The following TUBGCP3 variants were observed in gnomAD, a reference collection of about 807,000 sequenced individuals.
TUBGCP3 encodes tubulin gamma complex component 3.
In TUBGCP3, 50 loss-of-function variants were observed where a neutral mutation model predicts 123.1. The ratio of observed to expected loss-of-function variants is 0.41; its 90% CI spans 0.32 to 0.51. TUBGCP3 has a LOEUF of 0.51. Among genes scored for constraint, TUBGCP3 ranks in the 20% least tolerant of loss-of-function variants. The pLI is 0.36. For synonymous variants in TUBGCP3, 405 were observed against 413.9 expected, an observed-to-expected ratio of 0.98 and a Z score of 0.26; for missense variants, 882 against 1,127.0, an observed-to-expected ratio of 0.78 and a Z score of 3.11.
rs1374063474 is a variant in TUBGCP3, at chr13:112,509,446, T to A, written c.2087-4732A>T. The stretch of plus-strand genomic sequence containing the variant: ...CGTCAGAGCAGGCAGTCTGCATTCC[T>A]CCAGATCTTGAGTACTCAAACTCAC... On this transcript the variant is annotated intron_variant, in intron 17 of 21. Transcript: ENST00000261965. Among the ~76,000 whole-genome samples the A allele has an allele frequency of 3.3e-5, 5 of 152,202 alleles. No homozygotes were observed. In the East Asian group the frequency reaches 9.6e-4, roughly 29 times the overall value.
rs1460207101 is a variant in TUBGCP3 at position 112,519,484 on chromosome 13, G to A, written c.1881+402C>T. 6.6e-6 allele frequency among the ~76,000 whole-genome samples: 1 copy of A among 152,140 alleles called. No individual in the cohort carries two copies. The highest frequency in any genetic ancestry group is 1.5e-5 in the Non-Finnish European group (1 of 68,038). ...AAGAAAAGTCATGTCCTACCAAACTGCAACTAAAAGCATCCATTTTCTGAT... is the reference window on the plus strand; with the variant it reads ...AAGAAAAGTCATGTCCTACCAAACTACAACTAAAAGCATCCATTTTCTGAT... On this transcript the variant is annotated intron_variant, in intron 15 of 21. Coordinates refer to ENST00000261965, the MANE Select transcript of TUBGCP3 (RefSeq NM_006322.6). This position sits in a 1 kb window ranked among gnomAD's most constrained non-coding sequence, Gnocchi z 6.2.
the TUBGCP3 span, among the ~76,000 whole-genome samples, chr13:112,600,434 A>T: frequency 6.6e-6 from 1 of 152,174 alleles, no homozygotes; most frequent in Non-Finnish European, 1.5e-5. Context: ...TTCTTTTATG[A>T]GATCAGAATG....
At chr13:112,503,280 G>C (rs1253121543) in intron 19 of TUBGCP3, among the ~76,000 whole-genome samples, 2 of 152,246 alleles carry the variant, frequency 1.3e-5, no homozygotes, top group Non-Finnish European at 2.9e-5. Flanking sequence ...TTGCCACATG[G>C]AACGTGCAAC....
At chr13:112,513,970 G>A (rs1482382850) in intron 17 of TUBGCP3, among the ~76,000 whole-genome samples, 1 of 152,186 alleles carries the variant, frequency 6.6e-6, no homozygotes, top group Non-Finnish European at 1.5e-5. Context: ...TAGCCAGGAA[G>A]TTAATCAACC....
chr13:112,491,256 T>G (rs1233387802), intron 20 of TUBGCP3, among the ~76,000 whole-genome samples: 1 of 152,270 alleles, frequency 6.6e-6, no homozygotes, highest in African/African-American at 2.4e-5. Flanking sequence ...TTCTCTCCAA[T>G]TTATTAATAT....
chr13:112,564,806 A>G (rs989192464), intron 3 of TUBGCP3, among the ~76,000 whole-genome samples: 8 of 152,392 alleles, frequency 5.2e-5, no homozygotes, highest in African/African-American at 1.9e-4. Flanking sequence ...TTATATGAAG[A>G]TAAGACTTCT....
intron 21 of TUBGCP3, among the ~76,000 whole-genome samples, chr13:112,486,958 C>A (rs1028299201): frequency 6.6e-6 from 1 of 152,186 alleles, no homozygotes; most frequent in African/African-American, 2.4e-5. Context: ...AGCTTCTGGT[C>A]AGAAACACGA....
At chr13:112,532,942 AATG>A (rs761715808) in intron 11 of TUBGCP3, among the ~76,000 whole-genome samples, 6 of 152,368 alleles carry the variant, frequency 3.9e-5, no homozygotes, top group Non-Finnish European at 8.8e-5. Flanking sequence ...GGCAGCTTTC[AATG>A]ATACCACAGC....
chr13:112,527,012 T>A lies in TUBGCP3; in HGVS notation c.1485A>T (p.Gln495His). 2 of 1,614,194 alleles carry A rather than the reference T, an allele frequency of 1.2e-6. No homozygotes were observed. The highest frequency in any genetic ancestry group is 4.5e-5 in the East Asian group (2 of 44,888). ...LIGKSINFLH[Q>H]VCHDQTPTTK... ...TAGTGGGAGTCTGATCATGACAAAC[T>A]TGGTGCAAGAAATTTATTGATTTTC... The change falls in exon 13 of 22, where the codon CAA becomes CAT. Residue 495 changes from glutamine (Q) to histidine (H), a missense_variant. Around this residue, in one of 3 missense-constraint regions of TUBGCP3, gnomAD observed 713 missense variants for 874.0 expected, o/e 0.82. Transcript: ENST00000261965.
chr13:112,602,503 G>A, the TUBGCP3 span, among the ~76,000 whole-genome samples: 1 of 152,106 alleles, frequency 6.6e-6, no homozygotes, highest in Non-Finnish European at 1.5e-5. Context: ...ACTGAGCATT[G>A]TACTCCATGA....
intron 1 of TUBGCP3, among the ~76,000 whole-genome samples, chr13:112,577,311 CT>C: frequency 6.6e-6 from 1 of 152,278 alleles, no homozygotes; most frequent in African/African-American, 2.4e-5. Context: ...ATGAATCACC[CT>C]GGTGGCAGGT....
At chr13:112,497,052 G>C (rs1480239848) in intron 20 of TUBGCP3, among the ~76,000 whole-genome samples, 1 of 152,030 alleles carries the variant, frequency 6.6e-6, no homozygotes, top group Non-Finnish European at 1.5e-5. Flanking sequence ...TTCTCTAGAA[G>C]GGAAGCTTCT....
At chr13:112,502,552 T>C (rs1174191909) in intron 19 of TUBGCP3, among the ~76,000 whole-genome samples, 1 of 148,754 alleles carries the variant, frequency 6.7e-6, no homozygotes, top group African/African-American at 2.5e-5. Context: ...CTTTTTTTTT[T>C]TTTTTTTTTT....
At chr13:112,588,605 TC>T (rs566580378), upstream of TUBGCP3, among the ~76,000 whole-genome samples, 69 of 151,668 alleles carry the variant, frequency 4.5e-4, 1 homozygote, top group South Asian at 0.014. Context: ...CGCGGGCCGG[TC>T]CCCCCCGGCC....
At chr13:112,580,152 C>T (rs767772413) in intron 1 of TUBGCP3, among the ~76,000 whole-genome samples, 3 of 152,048 alleles carry the variant, frequency 2.0e-5, no homozygotes, top group Non-Finnish European at 4.4e-5. Flanking sequence ...AGGATGGTGG[C>T]GGCCAGCACA....
chr13:112,520,300 G>A (rs1876509933), intron 14 of TUBGCP3, among the ~76,000 whole-genome samples: 1 of 152,130 alleles, frequency 6.6e-6, no homozygotes, highest in African/African-American at 2.4e-5. Context: ...AGGCCAAGGT[G>A]GGAGGATCAC....
In TUBGCP3 at chr13:112,508,750, C is replaced by G. The variant is rs557569626; in HGVS notation, c.2087-4036G>C. The stretch of plus-strand genomic sequence containing the variant: ...AAAGAAGCTCTTCCTCCAGTGCTCC[C>G]TGGGTGGTAAAAGATGCCACCACCC... On this transcript the variant is annotated intron_variant, in intron 17 of 21. Transcript: ENST00000261965. The surrounding 1 kb of genome is among the most constrained non-coding windows in gnomAD (Gnocchi z 4.2). Among the ~76,000 whole-genome samples the G allele has an allele frequency of 6.6e-6, 1 of 152,290 alleles. No homozygotes were observed. The highest frequency in any genetic ancestry group is 2.1e-4 in the South Asian group (1 of 4,820).
chr13:112,593,404 A>G, the TUBGCP3 span, among the ~76,000 whole-genome samples: 2 of 149,038 alleles, frequency 1.3e-5, no homozygotes, highest in Non-Finnish European at 3.0e-5. Context: ...GGGGACAGAG[A>G]GAGAGACTTT....
At chr13:112,562,319 C>T (rs544577169) in intron 3 of TUBGCP3, among the ~76,000 whole-genome samples, 1 of 152,156 alleles carries the variant, frequency 6.6e-6, no homozygotes, top group African/African-American at 2.4e-5. Flanking sequence ...AGCCAGGGGC[C>T]ACTAGGGGAA....
Sources: gnomAD v4.1 joint callset for allele counts (sites outside exome capture counted in the v4.1 genomes callset) on GRCh38, gnomAD v4.1.1 for gene constraint, gnomAD v4.1.1 regional missense constraint, Gnocchi (gnomAD v3.1) non-coding constraint, MANE v1.5 for transcripts, NCBI Gene and HGNC (gene_info 2026-07-23, HGNC 2026-07-21) for gene names.